The following KLHL1 variants were observed in gnomAD, a reference collection of about 807,000 sequenced individuals.
The protein encoded by KLHL1 is kelch like family member 1.
A neutral mutation model predicts 77.7 loss-of-function variants in KLHL1; 47 were observed. The ratio of observed to expected loss-of-function variants is 0.60; its 90% confidence interval spans 0.48 to 0.77. The LOEUF (loss-of-function observed/expected upper bound fraction) is 0.77, where lower values mean the gene tolerates loss of function less well. Ranked by LOEUF, KLHL1 falls within the 30% of genes least tolerant of loss-of-function variation. The pLI is 0.00. For missense variants in KLHL1, 925 were observed against 910.8 expected (o/e 1.02, Z -0.20); for synonymous variants, 360 against 325.2 (o/e 1.11, Z -1.15).
At chr13:69,954,385 C>T (rs1029554398) in intron 3 of KLHL1, among the ~76,000 whole-genome samples, 6 of 151,204 alleles carry the variant, frequency 4.0e-5, no homozygotes, top group African/African-American at 1.5e-4. Context: ...ACCCTGAACA[C>T]TTGGAAAAAT....
chr13:69,892,432 AAAAG>A (rs1881456738), intron 4 of KLHL1, among the ~76,000 whole-genome samples: 1 of 152,168 alleles, frequency 6.6e-6, no homozygotes, highest in African/African-American at 2.4e-5. Context: ...CCTTACTAGA[AAAAG>A]AAAGTTGTAA....
intron 4 of KLHL1, among the ~76,000 whole-genome samples, chr13:69,897,892 T>G (rs1881705377): frequency 1.3e-5 from 2 of 152,206 alleles, no homozygotes; most frequent in Non-Finnish European, 2.9e-5. Context: ...TCTGTACCAT[T>G]CCCTGTGGTT....
At chr13:69,701,897 A>G in intron 10 of KLHL1, 136 bp from the exon 11 acceptor site, 1 of 546,312 alleles carries the variant, frequency 1.8e-6, no homozygotes, top group South Asian at 4.5e-5. Context: ...GTAGTACAGT[A>G]AAAATGAAAA....
chr13:69,711,373 G>T (rs1875870519), intron 9 of KLHL1, among the ~76,000 whole-genome samples: 1 of 152,032 alleles, frequency 6.6e-6, no homozygotes. Flanking sequence ...AGAATGGATA[G>T]CCTGCTTCAA....
chr13:70,002,306 T>C (rs1263896292), intron 1 of KLHL1, among the ~76,000 whole-genome samples: 1 of 151,630 alleles, frequency 6.6e-6, no homozygotes, highest in Non-Finnish European at 1.5e-5. Flanking sequence ...GATTAATGTG[T>C]TCAATAATTT....
At chr13:70,098,719 A>T (rs1887850110) in intron 1 of KLHL1, among the ~76,000 whole-genome samples, 1 of 151,970 alleles carries the variant, frequency 6.6e-6, no homozygotes, top group East Asian at 1.9e-4. Flanking sequence ...AAAATTGGAT[A>T]TAAGAAATGG....
intron 1 of KLHL1, among the ~76,000 whole-genome samples, chr13:70,050,805 T>G (rs910437823): frequency 2.0e-5 from 3 of 152,044 alleles, no homozygotes; most frequent in Admixed American, 1.3e-4. Context: ...ATTTGTCATA[T>G]AATTGTTAAC....
At chr13:69,930,784 A>T (rs1282226527) in intron 4 of KLHL1, among the ~76,000 whole-genome samples, 1 of 151,786 alleles carries the variant, frequency 6.6e-6, no homozygotes, top group East Asian at 1.9e-4. Flanking sequence ...ATCCAAACTA[A>T]GGCCATTATA....
At chr13:70,080,040 A>G (rs1887357159) in intron 1 of KLHL1, among the ~76,000 whole-genome samples, 1 of 152,204 alleles carries the variant, frequency 6.6e-6, no homozygotes, top group Middle Eastern at 3.2e-3. Context: ...ATTTGTGGAT[A>G]GGTACCAAGA....
rs564081870 is a variant in KLHL1, at chr13:69,967,647, G to A, written c.681-6203C>T. On this transcript the variant is annotated intron_variant, in intron 2 of 10. Transcript: ENST00000377844. ...TCACGCCTGAAATCTAAACTTTTTG[G>A]GAGGTGGCTGGTGGATCACTTGAGG... 1.1e-3 allele frequency among the ~76,000 whole-genome samples: 167 copies of A among 152,254 alleles called. 1 individual carries two copies. Among genetic ancestry groups the A allele is most frequent in the Middle Eastern group, 0.01 (3 of 294 alleles).
intron 1 of KLHL1, among the ~76,000 whole-genome samples, chr13:70,030,108 C>G (rs1248237449): frequency 6.6e-6 from 1 of 152,096 alleles, no homozygotes; most frequent in Non-Finnish European, 1.5e-5. Flanking sequence ...TCCTTAGAGA[C>G]CTACGAAGAG....
intron 4 of KLHL1, among the ~76,000 whole-genome samples, chr13:69,892,088 G>T (rs953825761): frequency 3.3e-5 from 5 of 152,020 alleles, no homozygotes; most frequent in African/African-American, 1.2e-4. Context: ...TCCTGGTAGA[G>T]CCTAAACTTA....
intron 2 of KLHL1, among the ~76,000 whole-genome samples, chr13:69,963,061 A>G (rs1258825998): frequency 6.6e-6 from 1 of 152,018 alleles, no homozygotes; most frequent in Non-Finnish European, 1.5e-5. Flanking sequence ...GTTTGTTTAT[A>G]ATTTCAGCAT....
intron 1 of KLHL1, among the ~76,000 whole-genome samples, chr13:70,038,429 T>C (rs193013822): frequency 1.5e-3 from 235 of 152,248 alleles, no homozygotes; most frequent in African/African-American, 5.0e-3. Context: ...TGGAGGGCAA[T>C]TGCTGGGTCA....
intron 8 of KLHL1, among the ~76,000 whole-genome samples, chr13:69,740,119 G>GT (rs1402665310): frequency 1.3e-5 from 2 of 152,248 alleles, no homozygotes; most frequent in Admixed American, 1.3e-4. Flanking sequence ...ACTTTTAGTA[G>GT]TTTTTTGAAG....
At chr13:70,092,946 T>A (rs571157466) in intron 1 of KLHL1, among the ~76,000 whole-genome samples, 118 of 152,262 alleles carry the variant, frequency 7.7e-4, no homozygotes, top group Non-Finnish European at 1.5e-3. Context: ...TAATGTAGAA[T>A]AATACTTATG....
At chr13:69,776,016 C>T (rs1468891607) in intron 7 of KLHL1, among the ~76,000 whole-genome samples, 3 of 149,590 alleles carry the variant, frequency 2.0e-5, no homozygotes, top group African/African-American at 2.5e-5. Context: ...ACTAGCTTGG[C>T]GTGGTGGTGG....
chr13:69,982,850 T>G (rs7327292), intron 1 of KLHL1, among the ~76,000 whole-genome samples: 1 of 151,896 alleles, frequency 6.6e-6, no homozygotes, highest in Admixed American at 6.6e-5. Context: ...AGTTTTCATA[T>G]GGGAAATCCT....
At chr13:69,796,278 T>TC (rs1395471746) in intron 7 of KLHL1, among the ~76,000 whole-genome samples, 4 of 152,126 alleles carry the variant, frequency 2.6e-5, no homozygotes, top group Non-Finnish European at 4.4e-5. Flanking sequence ...TGGATGTTTG[T>TC]CCCCCCAAAA....
Sources: allele counts gnomAD v4.1 joint callset (sites outside exome capture counted in the v4.1 genomes callset), GRCh38; gene constraint gnomAD v4.1.1; transcripts MANE v1.5; gene names NCBI Gene and HGNC (gene_info 2026-07-23, HGNC 2026-07-21).